The following WDPCP variants were observed in gnomAD, a reference collection of about 807,000 sequenced individuals.
The protein encoded by WDPCP is WD repeat containing planar cell polarity effector.
Under a neutral mutation model 93.1 loss-of-function variants are expected in WDPCP, and 71 were observed. The observed-to-expected ratio is 0.76, with a 90% CI of 0.63 to 0.93. The LOEUF is 0.93. Among genes scored for constraint, WDPCP ranks in the 40% least tolerant of loss-of-function variants. The pLI is 0.00. For synonymous variants in WDPCP, 315 were observed against 315.0 expected (o/e 1.00, Z 0.00); for missense variants, 844 against 887.4 (o/e 0.95, Z 0.62).
At chr2:63,178,588 TTCTC>T (rs904397417) in intron 14 of WDPCP, among the ~76,000 whole-genome samples, 19 of 152,144 alleles carry the variant, frequency 1.2e-4, no homozygotes, top group African/African-American at 2.7e-4. Flanking sequence ...TATTTGAGTC[TTCTC>T]TCTTTTTTTT....
intron 15 of WDPCP, among the ~76,000 whole-genome samples, chr2:63,162,168 A>T (rs951163669): frequency 1.3e-5 from 2 of 152,138 alleles, no homozygotes; most frequent in African/African-American, 4.8e-5. Flanking sequence ...TTACAGTATG[A>T]TATGGCATAT....
At chr2:63,525,419 T>C (rs893968480) in intron 1 of WDPCP, among the ~76,000 whole-genome samples, 1 of 152,156 alleles carries the variant, frequency 6.6e-6, no homozygotes, top group Admixed American at 6.5e-5. Context: ...AAATAAAAAC[T>C]AAAAAGAATA....
At chr2:63,237,453 A>G (rs1365241424) in intron 14 of WDPCP, among the ~76,000 whole-genome samples, 5 of 152,194 alleles carry the variant, frequency 3.3e-5, no homozygotes, top group South Asian at 4.1e-4. Context: ...TTGAACTACA[A>G]TTACATCCAG....
At chr2:63,410,426 A>G (rs987849928) in intron 9 of WDPCP, among the ~76,000 whole-genome samples, 1 of 152,240 alleles carries the variant, frequency 6.6e-6, no homozygotes, top group African/African-American at 2.4e-5. Context: ...TTTAAAGCAT[A>G]AATGACACGG....
At position 63,120,039 on chromosome 2, in the gene WDPCP, TATTATC is replaced by T. The variant is rs1356971336; in HGVS notation, c.*1961_*1966del. 3.3e-5 allele frequency among the ~76,000 whole-genome samples: 5 copies of T among 152,218 alleles called. No homozygotes were observed. The highest frequency in any genetic ancestry group is 4.4e-5 in the Non-Finnish European group (3 of 68,034). ...CATAACTGGCAAACATTTTCATTATTATTATCATTATGTAGAAAAACATAGATGTAT... is the reference window on the plus strand; with the variant it reads ...CATAACTGGCAAACATTTTCATTATTATTATGTAGAAAAACATAGATGTAT... On this transcript the variant is annotated 3_prime_UTR_variant, in exon 18 of 18. Transcript: ENST00000272321.
chr2:63,142,445 T>C (rs1019639745), intron 17 of WDPCP, among the ~76,000 whole-genome samples: 1 of 152,216 alleles, frequency 6.6e-6, no homozygotes, highest in Non-Finnish European at 1.5e-5. Flanking sequence ...TGTATGGTTC[T>C]GAAGGTTCCT....
chr2:63,242,859 T>C (rs190338134), intron 14 of WDPCP, among the ~76,000 whole-genome samples: 114 of 152,240 alleles, frequency 7.5e-4, no homozygotes, highest in African/African-American at 2.6e-3. Context: ...GCCTGCCTCC[T>C]TTTTCCTCCT....
intron 1 of WDPCP, among the ~76,000 whole-genome samples, chr2:63,531,221 C>A (rs1456882208): frequency 1.3e-5 from 2 of 152,224 alleles, no homozygotes; most frequent in Admixed American, 1.3e-4. Flanking sequence ...CACCACACCT[C>A]AACGAGGCCT....
chr2:63,232,031 T>A (rs936750056), intron 14 of WDPCP, among the ~76,000 whole-genome samples: 1 of 151,972 alleles, frequency 6.6e-6, no homozygotes. Flanking sequence ...ATACCACACA[T>A]CTACAACCAT....
At chr2:63,664,679 T>G (rs947301110) in intron 2 of WDPCP, among the ~76,000 whole-genome samples, 1 of 152,164 alleles carries the variant, frequency 6.6e-6, no homozygotes. Flanking sequence ...ATATAACAAA[T>G]GTCCACTACC....
chr2:63,801,386 T>G (rs906354918), intron 2 of WDPCP, among the ~76,000 whole-genome samples: 1 of 152,158 alleles, frequency 6.6e-6, no homozygotes, highest in Non-Finnish European at 1.5e-5. Context: ...GGACCTTCAC[T>G]GTGAGTGTTA....
At chr2:63,362,089 T>C (rs1350866963) in intron 12 of WDPCP, among the ~76,000 whole-genome samples, 1 of 152,154 alleles carries the variant, frequency 6.6e-6, no homozygotes, top group Admixed American at 6.6e-5. Flanking sequence ...ACTTCTCTTC[T>C]AGCTATTAAT....
At chr2:63,341,643 A>G (rs546577353) in intron 12 of WDPCP, among the ~76,000 whole-genome samples, 27 of 152,324 alleles carry the variant, frequency 1.8e-4, no homozygotes, top group Admixed American at 4.6e-4. Flanking sequence ...TATTGAAGTC[A>G]TCAACTATTA....
chr2:63,220,294 T>C (rs1677706297), intron 14 of WDPCP, among the ~76,000 whole-genome samples: 1 of 152,012 alleles, frequency 6.6e-6, no homozygotes, highest in South Asian at 2.1e-4. Flanking sequence ...GAGAATGGGG[T>C]GAGAACTTAA....
intron 13 of WDPCP, among the ~76,000 whole-genome samples, chr2:63,276,833 G>A (rs1189284805): frequency 6.6e-6 from 1 of 152,194 alleles, no homozygotes; most frequent in Non-Finnish European, 1.5e-5. Context: ...AACTTCCTTA[G>A]CCTTGCTAGA....
chr2:63,592,069 CT>C (rs1368870151), upstream of WDPCP, among the ~76,000 whole-genome samples: 1 of 152,212 alleles, frequency 6.6e-6, no homozygotes, highest in Non-Finnish European at 1.5e-5. Context: ...CTCTAGCCCC[CT>C]GTTTTAGAAA....
chr2:63,451,324 A>G (rs1698231178), intron 6 of WDPCP, among the ~76,000 whole-genome samples: 1 of 152,170 alleles, frequency 6.6e-6, no homozygotes, highest in South Asian at 2.1e-4. Context: ...AGATATATGC[A>G]AATAAACTAG....
chr2:63,663,112 T>A (rs116151317), intron 2 of WDPCP, among the ~76,000 whole-genome samples: 1,783 of 152,346 alleles, frequency 0.012, 14 homozygotes, highest in Non-Finnish European at 0.014. Context: ...GGCTGCTTTT[T>A]TGGGCTTCTT....
intron 13 of WDPCP, among the ~76,000 whole-genome samples, chr2:63,260,003 T>C (rs1208452012): frequency 6.6e-6 from 1 of 152,198 alleles, no homozygotes; most frequent in Non-Finnish European, 1.5e-5. Flanking sequence ...ATAGATTTTA[T>C]AGCACATATG....
Sources: allele counts gnomAD v4.1 joint callset (sites outside exome capture counted in the v4.1 genomes callset), GRCh38; gene constraint gnomAD v4.1.1; transcripts MANE v1.5; gene names NCBI Gene and HGNC (gene_info 2026-07-23, HGNC 2026-07-21).